The following ESRRA variants were observed in gnomAD, a reference collection of about 807,000 sequenced individuals.
The protein encoded by ESRRA is steroid hormone receptor ERR1.
ESRRA carries 7 observed loss-of-function variants against 35.6 expected under a neutral mutation model. That is an observed-to-expected ratio of 0.20 (90% CI 0.11 to 0.37). The LOEUF is 0.37. Among genes scored for constraint, ESRRA ranks in the 10% least tolerant of loss-of-function variants. The pLI is 1.00. For synonymous variants in ESRRA, 223 were observed against 246.9 expected, an observed-to-expected ratio of 0.90 and a Z score of 0.91; for missense variants, 378 against 561.7, an observed-to-expected ratio of 0.67 and a Z score of 3.31.
Position 64,316,518 on chromosome 11 carries a change from A to T in ESRRA, c.*552A>T, listed in dbSNP as rs1307626489. The T allele has an allele frequency of 1.3e-5, 3 of 237,934 alleles. No individual in the cohort carries two copies. Among genetic ancestry groups the T allele is most frequent in the Non-Finnish European group, 2.5e-5 (3 of 118,788 alleles). 14.7% of individuals were successfully genotyped at this position (237,934 alleles called of 1,614,324 possible). On this transcript the variant is annotated 3_prime_UTR_variant, in exon 7 of 7. Coordinates refer to ENST00000000442, the MANE Select transcript of ESRRA (RefSeq NM_004451.5). ...AGGGCTTCCCCATCAGCTCCCAACG[A>T]GCCTCCTCAGGGGGTAGGAGAGCAC...
At position 64,307,351 on chromosome 11, in the gene ESRRA, G is replaced by C. The variant is rs781171709; in HGVS notation, c.172G>C (p.Gly58Arg). The stretch of plus-strand genomic sequence containing the variant: ...CCACAAGGAAGAGGAGGATGGGGAG[G>C]GGGCTGGGCCTGGCGAGCAGGGCGG... ...PGHKEEEDGE[G>R]AGPGEQGGGK... The change falls in exon 2 of 7, where the codon GGG becomes CGG. Residue 58 changes from glycine to arginine, a missense_variant. Around this residue, in one of 4 missense-constraint regions of ESRRA, gnomAD observed 87 missense variants for 92.6 expected, o/e 0.94. Transcript: ENST00000000442. 2 of 1,611,608 alleles carry C rather than the reference G, an allele frequency of 1.2e-6. No homozygotes were observed. The highest frequency in any genetic ancestry group is 1.1e-5 in the South Asian group (1 of 90,864).
intron 1 of ESRRA, chr11:64,306,519 A>AGT (rs1212997913): frequency 6.6e-6 from 1 of 152,616 alleles, no homozygotes; most frequent in Non-Finnish European, 1.5e-5. Context: ...ACCTAGTGAG[A>AGT]GTGTGTGTGA....
At chr11:64,315,301 G>T in intron 6 of ESRRA, 31 bp downstream of exon 6, 1 of 1,526,952 alleles carries the variant, frequency 6.5e-7, no homozygotes, top group Non-Finnish European at 8.8e-7. Flanking sequence ...GACAGGTGAG[G>T]TGTCTCCGTA....
At position 64,314,931 on chromosome 11, in the gene ESRRA, C is replaced by T. The variant is rs113333637; in HGVS notation, c.742+20C>T. 1.4e-4 allele frequency: 219 copies of T among 1,609,436 alleles called. No homozygotes were observed. The highest frequency in any genetic ancestry group is 1.2e-3 in the Middle Eastern group (7 of 5,678). On this transcript the variant is annotated intron_variant, in intron 5 of 6. Coordinates refer to ENST00000000442, the MANE Select transcript of ESRRA (RefSeq NM_004451.5). ...TCCCAGGTAAAGGGCCCAGGTGACC[C>T]GGGGCTGCCCTGAACGGGCCCGGCT...
chr11:64,315,144 G>A lies in ESRRA; in HGVS notation c.886G>A (p.Gly296Arg). The part of the protein sequence containing the change: ...FAEDLVLDEE[G>R]ARAAGLGELG... ...TGAGGACTTAGTCCTGGATGAAGAG[G>A]GGGCACGGGCAGCTGGCCTGGGGGA... The change falls in exon 6 of 7, where the codon GGG becomes AGG. Residue 296 changes from glycine to arginine, a missense_variant. Transcript: ENST00000000442. 3 of 1,612,926 alleles carry A rather than the reference G, an allele frequency of 1.9e-6. No homozygotes were observed. The highest frequency in any genetic ancestry group is 2.5e-6 in the Non-Finnish European group (3 of 1,180,004).
chr11:64,314,167 A>G (rs1165067717), intron 3 of ESRRA, 72 bp from the exon 4 acceptor site: 22 of 1,563,848 alleles, frequency 1.4e-5, no homozygotes, highest in Non-Finnish European at 1.9e-5. Context: ...CTCGGGGAGG[A>G]CAGCTCTGGA....
At chr11:64,306,132 T>TG (rs911884775) in intron 1 of ESRRA, 18 of 152,472 alleles carry the variant, frequency 1.2e-4, no homozygotes, top group Admixed American at 7.2e-4. Flanking sequence ...CGAAGGGGCC[T>TG]GGGGCCACCC....
Position 64,315,708 on chromosome 11 carries a change from C to G in ESRRA, c.1014C>G (p.Asp338Glu). ...LLKALALANS[D>E]SVHIEDAEAV... The stretch of plus-strand genomic sequence containing the variant: ...CACCACATTCCTCTCTTCTTGCAGA[C>G]TCTGTGCACATCGAAGATGCCGAGG... Residue 338 changes from aspartate to glutamate, a missense_variant and splice_region_variant, in exon 7 of 7, where the codon GAC becomes GAG. Physicochemically the swap from Asp to Glu is conservative, Grantham distance 45. This residue lies in a region of ESRRA where 284 missense variants were observed against 411.7 expected (regional missense o/e 0.69). Transcript: ENST00000000442. 6.2e-7 allele frequency: 1 copy of G among 1,613,870 alleles called. No homozygotes were observed. The highest frequency in any genetic ancestry group is 2.2e-5 in the East Asian group (1 of 44,884).
In ESRRA at chr11:64,316,192, G is replaced by T. The variant is rs1404224153; in HGVS notation, c.*226G>T. On this transcript the variant is annotated 3_prime_UTR_variant, in exon 7 of 7. Coordinates refer to ENST00000000442, the MANE Select transcript of ESRRA (RefSeq NM_004451.5). ...GGCTCTGGGCACAGTGCTGCCCCTTGCAAGCCATAACGTGCCCCCAGAGTG... is the reference window on the plus strand; with the variant it reads ...GGCTCTGGGCACAGTGCTGCCCCTTTCAAGCCATAACGTGCCCCCAGAGTG... The T allele has an allele frequency of 3.9e-6, 2 of 517,230 alleles. No homozygotes were observed. Among genetic ancestry groups the T allele is most frequent in the African/African-American group, 1.9e-5 (1 of 51,888 alleles). 32.0% of individuals were successfully genotyped at this position (517,230 alleles called of 1,614,324 possible).
Position 64,314,953 on chromosome 11 carries a change from G to A in ESRRA, c.742+42G>A, listed in dbSNP as rs377218967. On this transcript the variant is annotated intron_variant, in intron 5 of 6. Transcript: ENST00000000442. ...ACCCGGGGCTGCCCTGAACGGGCCCGGCTCTGGTGCGCTTGCTCAGCCAGG... is the reference window on the plus strand; with the variant it reads ...ACCCGGGGCTGCCCTGAACGGGCCCAGCTCTGGTGCGCTTGCTCAGCCAGG... The A allele has an allele frequency of 4.8e-4, 776 of 1,602,920 alleles. 6 individuals are homozygous for A. In the African/African-American group the frequency reaches 9.5e-3, roughly 20 times the overall value.
Position 64,316,690 on chromosome 11 carries a change from C to T in ESRRA, c.*724C>T, listed in dbSNP as rs1357289462. 1.6e-6 allele frequency: 1 copy of T among 612,406 alleles called. No homozygotes were observed. The highest frequency in any genetic ancestry group is 3.0e-6 in the Non-Finnish European group (1 of 337,860). 37.9% of individuals were successfully genotyped at this position (612,406 alleles called of 1,614,324 possible). A position where few individuals can be genotyped will look rare whatever the true frequency, so the allele number is the denominator to read the frequency against. On this transcript the variant is annotated 3_prime_UTR_variant, in exon 7 of 7. Coordinates refer to ENST00000000442, the MANE Select transcript of ESRRA (RefSeq NM_004451.5). ...GTATATTTGCTGCAAAGAGAAACCG[C>T]TTTTGGTTTTAAACCTTTAATGAGA...
chr11:64,309,730 G>A (rs1365931232), intron 2 of ESRRA, among the ~76,000 whole-genome samples: 9 of 151,186 alleles, frequency 6.0e-5, no homozygotes, highest in African/African-American at 9.7e-5. Flanking sequence ...TCAGGAGTTC[G>A]AGACCAGCCT....
rs755197521 is a variant in ESRRA at position 64,315,676 on chromosome 11, A to C, written c.1013-31A>C. 1.9e-6 allele frequency: 3 copies of C among 1,610,366 alleles called. No homozygotes were observed. In the African/African-American group the frequency reaches 4.0e-5, roughly 21 times the overall value. On this transcript the variant is annotated intron_variant, in intron 6 of 6. Coordinates refer to ENST00000000442, the MANE Select transcript of ESRRA (RefSeq NM_004451.5). ...GGAGTGCCCTTGCCAGAGATAGCCC[A>C]GGCCAACACCACATTCCTCTCTTCT...
chr11:64,311,457 C>G (rs1591242485), intron 2 of ESRRA, among the ~76,000 whole-genome samples: 1 of 151,692 alleles, frequency 6.6e-6, no homozygotes, highest in Non-Finnish European at 1.5e-5. Flanking sequence ...GCTTTGTTGC[C>G]CAGGCTAGAG....
intron 6 of ESRRA, 25 bp downstream of exon 6, chr11:64,315,295 GGT>G: frequency 6.5e-7 from 1 of 1,528,658 alleles, no homozygotes; most frequent in Non-Finnish European, 8.8e-7. Flanking sequence ...GGCACTGACA[GGT>G]GAGGTGTCTC....
Position 64,313,914 on chromosome 11 carries a change from G to T in ESRRA, c.326-37G>T, listed in dbSNP as rs1440986604. 1 of 1,461,340 alleles carries T rather than the reference G, an allele frequency of 6.8e-7. No homozygotes were observed. The highest frequency in any genetic ancestry group is 1.4e-5 in the African/African-American group (1 of 71,550). The allele number at this position is 1,461,340 out of a possible 1,614,324, so 90.5% of individuals were successfully genotyped here. On this transcript the variant is annotated intron_variant, in intron 2 of 6. Transcript: ENST00000000442. This position sits in a 1 kb window ranked among gnomAD's most constrained non-coding sequence, Gnocchi z 4.0. Reference sequence around the variant, plus strand: ...GTCAGCTGGGTCCCCTCCCAGCCCCGGGAGGCCGCCACTGGAGCCCTGCCT... The same window carrying T: ...GTCAGCTGGGTCCCCTCCCAGCCCCTGGAGGCCGCCACTGGAGCCCTGCCT...
Position 64,313,322 on chromosome 11 carries a change from G to A in ESRRA, c.326-629G>A, listed in dbSNP as rs1258012484. Among the ~76,000 whole-genome samples, 1 of 152,180 alleles carries A rather than the reference G, an allele frequency of 6.6e-6. No homozygotes were observed. Among genetic ancestry groups the A allele is most frequent in the Non-Finnish European group, 1.5e-5 (1 of 68,028 alleles). ...TCCGAGATGCCTTCTAGACATGCAGGATGTCAAGGAGGCAGCTGGAGAGAT... is the reference window on the plus strand; with the variant it reads ...TCCGAGATGCCTTCTAGACATGCAGAATGTCAAGGAGGCAGCTGGAGAGAT... On this transcript the variant is annotated intron_variant, in intron 2 of 6. Transcript: ENST00000000442. This position sits in a 1 kb window ranked among gnomAD's most constrained non-coding sequence, Gnocchi z 4.0.
Position 64,315,162 on chromosome 11 carries a change from C to T in ESRRA, c.904C>T (p.Leu302=), listed in dbSNP as rs1358534410. The T allele has an allele frequency of 6.2e-7, 1 of 1,613,028 alleles. No homozygotes were observed. The highest frequency in any genetic ancestry group is 1.7e-5 in the Admixed American group (1 of 60,000). The change falls in exon 6 of 7, where the codon CTG becomes TTG. Residue 302 remains leucine, a synonymous_variant. Transcript: ENST00000000442. ...LDEEGARAAG[L]GELGAALLQL... is the part of the protein sequence containing the mutation. ...TGAAGAGGGGGCACGGGCAGCTGGCCTGGGGGAACTGGGGGCTGCCCTGCT... is the reference window on the plus strand; with the variant it reads ...TGAAGAGGGGGCACGGGCAGCTGGCTTGGGGGAACTGGGGGCTGCCCTGCT...
At position 64,314,303 on chromosome 11, in the gene ESRRA, A is replaced by G; in HGVS notation, c.507A>G (p.Pro169=). Residue 169 remains proline, a synonymous_variant, in exon 4 of 7, where the codon CCA becomes CCG. Transcript: ENST00000000442. Reference sequence around the variant, plus strand: ...ACAAGCGGCGGCCGGAGGTGGACCCACTGCCCTTCCCGGGCCCCTTCCCTG... The same window carrying G: ...ACAAGCGGCGGCCGGAGGTGGACCCGCTGCCCTTCCCGGGCCCCTTCCCTG... The part of the protein sequence containing the change: ...QKYKRRPEVD[P]LPFPGPFPAG... 6.2e-7 allele frequency: 1 copy of G among 1,610,722 alleles called. No individual in the cohort carries two copies. The highest frequency in any genetic ancestry group is 1.1e-5 in the South Asian group (1 of 90,514).
Sources: gnomAD v4.1 joint callset for allele counts (sites outside exome capture counted in the v4.1 genomes callset) on GRCh38, gnomAD v4.1.1 for gene constraint, gnomAD v4.1.1 regional missense constraint, Gnocchi (gnomAD v3.1) non-coding constraint, MANE v1.5 for transcripts, NCBI Gene and HGNC (gene_info 2026-07-23, HGNC 2026-07-21) for gene names.